KLHL1: variants seen among roughly 807,000 people sequenced by gnomAD.
KLHL1 encodes the protein kelch like family member 1.
Under a neutral mutation model 77.7 loss-of-function variants are expected in KLHL1, and 47 were observed. The observed-to-expected ratio is 0.60, with a 90% confidence interval of 0.48 to 0.77. KLHL1 has a LOEUF of 0.77. Among genes scored for constraint, KLHL1 ranks in the 30% least tolerant of loss-of-function variants. KLHL1 has a pLI of 0.00. For synonymous variants in KLHL1, 360 were observed against 325.2 expected, an observed-to-expected ratio of 1.11 and a Z score of -1.15; for missense variants, 925 against 910.8, an observed-to-expected ratio of 1.02 and a Z score of -0.20.
At chr13:69,848,221 G>A (rs531037682) in intron 5 of KLHL1, among the ~76,000 whole-genome samples, 3 of 151,558 alleles carry the variant, frequency 2.0e-5, no homozygotes, top group African/African-American at 7.2e-5. Flanking sequence ...CATACAGAGA[G>A]AAAAATGGAC....
At chr13:70,086,979 T>A (rs955103644) in intron 1 of KLHL1, among the ~76,000 whole-genome samples, 21 of 152,096 alleles carry the variant, frequency 1.4e-4, no homozygotes, top group Non-Finnish European at 2.9e-4. Context: ...GCATGATTGA[T>A]TTTGAGTCTG....
At chr13:69,719,203 TGTGTGTGAGAGAGA>T (rs1237566338) in intron 9 of KLHL1, among the ~76,000 whole-genome samples, 152 bp downstream of exon 9, 18 of 71,502 alleles carry the variant, frequency 2.5e-4, no homozygotes, top group Admixed American at 1.9e-3. Flanking sequence ...TGTGTGTGTG[TGTGTGTGAGAGAGA>T]GAGAGAGAGA....
intron 1 of KLHL1, among the ~76,000 whole-genome samples, chr13:70,091,465 G>A (rs1366118315): frequency 6.6e-6 from 1 of 151,886 alleles, no homozygotes; most frequent in Non-Finnish European, 1.5e-5. Flanking sequence ...ACCTGGGACC[G>A]GCCATCTCCT....
At chr13:70,075,559 G>GTGTA (rs201066043) in intron 1 of KLHL1, among the ~76,000 whole-genome samples, 52,914 of 90,488 alleles carry the variant, frequency 0.58, 12,820 homozygotes, top group South Asian at 0.71. Flanking sequence ...ATACCTGTGT[G>GTGTA]TGTGTATGTG....
At chr13:69,750,100 T>G (rs1874406950) in intron 7 of KLHL1, among the ~76,000 whole-genome samples, 1 of 151,532 alleles carries the variant, frequency 6.6e-6, no homozygotes, top group African/African-American at 2.4e-5. Context: ...TTATTTTGAT[T>G]TAATCATTGT....
intron 5 of KLHL1, among the ~76,000 whole-genome samples, chr13:69,869,298 T>C (rs560996085): frequency 2.1e-4 from 32 of 152,076 alleles, no homozygotes; most frequent in Non-Finnish European, 8.8e-5. Flanking sequence ...ATTCAGAGTA[T>C]TAAATTAGAA....
intron 1 of KLHL1, among the ~76,000 whole-genome samples, chr13:70,104,447 C>A (rs1047659202): frequency 6.6e-6 from 1 of 152,104 alleles, no homozygotes; most frequent in Non-Finnish European, 1.5e-5. Flanking sequence ...GAGCAACTTT[C>A]CCCAAATGTC....
chr13:69,957,508 T>A (rs1883929161), intron 3 of KLHL1, among the ~76,000 whole-genome samples: 1 of 151,792 alleles, frequency 6.6e-6, no homozygotes, highest in African/African-American at 2.4e-5. Flanking sequence ...CACATCCAGA[T>A]AAATCCATTG....
At chr13:69,877,932 A>G (rs1272988273) in intron 5 of KLHL1, among the ~76,000 whole-genome samples, 1 of 152,194 alleles carries the variant, frequency 6.6e-6, no homozygotes, top group East Asian at 1.9e-4. Flanking sequence ...AAGAAATAAC[A>G]AAGCCCAGAT....
intron 4 of KLHL1, among the ~76,000 whole-genome samples, chr13:69,897,627 C>G (rs1194976829): frequency 1.3e-5 from 2 of 152,126 alleles, no homozygotes; most frequent in Non-Finnish European, 2.9e-5. Flanking sequence ...AGTGCGTTGA[C>G]TACCTAAAGA....
chr13:69,793,180 T>C (rs1337842265), intron 7 of KLHL1, among the ~76,000 whole-genome samples: 2 of 151,958 alleles, frequency 1.3e-5, no homozygotes, highest in African/African-American at 4.8e-5. Flanking sequence ...TTAACTGAAA[T>C]AGTGCATTGT....
At chr13:69,967,195 A>G (rs1354395678) in intron 2 of KLHL1, among the ~76,000 whole-genome samples, 1 of 152,174 alleles carries the variant, frequency 6.6e-6, no homozygotes, top group Non-Finnish European at 1.5e-5. Context: ...CAGATGCTGT[A>G]AATAGTGATT....
intron 1 of KLHL1, among the ~76,000 whole-genome samples, chr13:70,105,342 A>C (rs2137459761): frequency 6.6e-6 from 1 of 151,892 alleles, no homozygotes. Context: ...CTACTCCATT[A>C]ATGTTTTCAA....
At chr13:70,082,062 C>T (rs963949269) in intron 1 of KLHL1, among the ~76,000 whole-genome samples, 1 of 151,974 alleles carries the variant, frequency 6.6e-6, no homozygotes, top group African/African-American at 2.4e-5. Context: ...AGCACTTCCC[C>T]CTTTGCTCTC....
chr13:69,857,391 G>A (rs1291327982), intron 5 of KLHL1, among the ~76,000 whole-genome samples: 1 of 151,828 alleles, frequency 6.6e-6, no homozygotes. Context: ...ACATGTAGTC[G>A]CACATATTTA....
chr13:69,920,661 T>C (rs1392778359), intron 4 of KLHL1, among the ~76,000 whole-genome samples: 2 of 151,960 alleles, frequency 1.3e-5, no homozygotes, highest in Non-Finnish European at 2.9e-5. Flanking sequence ...TGGAAATCTT[T>C]ATGCAGATAT....
At chr13:69,808,223 C>T (rs1877706110) in intron 6 of KLHL1, among the ~76,000 whole-genome samples, 1 of 152,068 alleles carries the variant, frequency 6.6e-6, no homozygotes, top group African/African-American at 2.4e-5. Flanking sequence ...GAGACTGTTT[C>T]TTGGGCTTCT....
chr13:69,953,085 C>T (rs1566439716), intron 3 of KLHL1, among the ~76,000 whole-genome samples: 1 of 151,292 alleles, frequency 6.6e-6, no homozygotes, highest in East Asian at 1.9e-4. Flanking sequence ...ATGGAAAGTT[C>T]TTGAAAATGT....
chr13:70,044,987 A>G lies in KLHL1; in HGVS notation c.497+62216T>C, dbSNP rs139459292. On this transcript the variant is annotated intron_variant, in intron 1 of 10. Coordinates refer to ENST00000377844, the MANE Select transcript of KLHL1 (RefSeq NM_020866.3). ...CCTTCTATGACCAAGTTATCTTGTC[A>G]TGAAAAGGAAACAGCAACACCTAAC... Among the ~76,000 whole-genome samples the G allele has an allele frequency of 4.1e-3, 630 of 152,278 alleles. 4 individuals carry two copies. The highest frequency in any genetic ancestry group is 0.014 in the African/African-American group (596 of 41,554).
Sources: gnomAD v4.1 joint callset for allele counts (sites outside exome capture counted in the v4.1 genomes callset) on GRCh38, gnomAD v4.1.1 for gene constraint, MANE v1.5 for transcripts, NCBI Gene and HGNC (gene_info 2026-07-23, HGNC 2026-07-21) for gene names.